DUSP22: variants seen among roughly 807,000 people sequenced by gnomAD.
The protein encoded by DUSP22 is dual specificity protein phosphatase 22.
DUSP22 carries 24 observed loss-of-function variants against 24.5 expected under a neutral mutation model. The ratio of observed to expected loss-of-function variants is 0.98; its 90% CI spans 0.71 to 1.38. DUSP22 has a LOEUF of 1.38. Ranked by LOEUF, DUSP22 falls within the 40% of genes most tolerant of loss-of-function variation. The pLI, the probability that DUSP22 is intolerant of heterozygous loss-of-function variation, is 0.00. For synonymous variants in DUSP22, 160 were observed against 106.4 expected, an observed-to-expected ratio of 1.50 and a Z score of -3.10; for missense variants, 330 against 269.2, an observed-to-expected ratio of 1.23 and a Z score of -1.58.
Position 350,822 on chromosome 6 carries a change from C to A in DUSP22, c.*1871C>A. On this transcript the variant is annotated 3_prime_UTR_variant, in exon 7 of 7. Coordinates refer to ENST00000419235, the MANE Select transcript of DUSP22 (RefSeq NM_001286555.3). Reference sequence around the variant, plus strand: ...TGCCAGTAATGTTCTTTCTTCACAGCCGCTCCGGGAATTCTGAAGTTCTGG... The same window carrying A: ...TGCCAGTAATGTTCTTTCTTCACAGACGCTCCGGGAATTCTGAAGTTCTGG... 1 of 1,614,268 alleles carries A rather than the reference C, an allele frequency of 6.2e-7. No homozygotes were observed. The highest frequency in any genetic ancestry group is 8.5e-7 in the Non-Finnish European group (1 of 1,180,026).
intron 1 of DUSP22, among the ~76,000 whole-genome samples, chr6:296,907 C>A (rs1757359826): frequency 6.6e-6 from 1 of 152,302 alleles, no homozygotes; most frequent in Admixed American, 6.5e-5. Flanking sequence ...GGTCTTGTGG[C>A]CTCTTCCTTC....
Position 311,279 on chromosome 6 carries a change from T to C in DUSP22, c.56-601T>C, listed in dbSNP as rs1261015149. ...AAGGGGGAGGGAGAGGAGACTGCTG[T>C]TATATTACAGAGGCCTTTCTGCACC... On this transcript the variant is annotated intron_variant, in intron 2 of 6. Transcript: ENST00000419235. 2.0e-5 allele frequency among the ~76,000 whole-genome samples: 3 copies of C among 152,300 alleles called. No homozygotes were observed. In the East Asian group the frequency reaches 5.8e-4, roughly 29 times the overall value.
chr6:349,902 C>A lies in DUSP22; in HGVS notation c.*951C>A. 1.0e-6 allele frequency: 1 copy of A among 985,918 alleles called. No individual in the cohort carries two copies. The highest frequency in any genetic ancestry group is 1.2e-6 in the Non-Finnish European group (1 of 830,238). The allele number at this position is 985,918 out of a possible 1,614,324, so 61.1% of individuals were successfully genotyped here. A position where few individuals can be genotyped will look rare whatever the true frequency, so the allele number is the denominator to read the frequency against. On this transcript the variant is annotated 3_prime_UTR_variant, in exon 7 of 7. Coordinates refer to ENST00000419235, the MANE Select transcript of DUSP22 (RefSeq NM_001286555.3). Reference sequence around the variant, plus strand: ...GGCACCCCCTCCTCTCTGCTCCTTGCCAGCTTCATTCACTCCCAGCCTCTC... The same window carrying A: ...GGCACCCCCTCCTCTCTGCTCCTTGACAGCTTCATTCACTCCCAGCCTCTC...
At chr6:313,509 G>A (rs1286211103) in intron 3 of DUSP22, among the ~76,000 whole-genome samples, 5 of 152,300 alleles carry the variant, frequency 3.3e-5, no homozygotes, top group Non-Finnish European at 7.3e-5. Context: ...CTGTGTTCCC[G>A]ACACAACACA....
chr6:321,208 A>T (rs1358412039), intron 3 of DUSP22, among the ~76,000 whole-genome samples: 1 of 152,302 alleles, frequency 6.6e-6, no homozygotes. Context: ...GCACTAAGGG[A>T]TGGGGCATGC....
At chr6:321,870 C>T (rs1025625827) in intron 3 of DUSP22, among the ~76,000 whole-genome samples, 6 of 152,416 alleles carry the variant, frequency 3.9e-5, no homozygotes, top group Non-Finnish European at 7.3e-5. Context: ...CTATAAGTAC[C>T]CATGGCTCTG....
At chr6:334,194 A>T (rs1232405008) in intron 3 of DUSP22, among the ~76,000 whole-genome samples, 1 of 152,308 alleles carries the variant, frequency 6.6e-6, no homozygotes, top group African/African-American at 2.4e-5. Context: ...CCAGTGTCTG[A>T]TGTGTACCCC....
chr6:337,390 G>A (rs1759403065), intron 4 of DUSP22, among the ~76,000 whole-genome samples: 1 of 152,298 alleles, frequency 6.6e-6, no homozygotes, highest in African/African-American at 2.4e-5. Context: ...TTTTCACTCA[G>A]CGTATATTAA....
chr6:325,650 T>C (rs376738790), intron 3 of DUSP22: 16 of 225,108 alleles, frequency 7.1e-5, no homozygotes, highest in Admixed American at 2.6e-4. Context: ...CCTGGGCTTC[T>C]GCATCCTCGT....
intron 3 of DUSP22, among the ~76,000 whole-genome samples, chr6:322,830 T>TTG (rs1554100349): frequency 1.6e-4 from 3 of 18,800 alleles, no homozygotes; most frequent in African/African-American, 5.5e-4. Context: ...GGCTGCTTGG[T>TTG]GGGGCGGGGG....
At chr6:306,966 G>C (rs1757838384) in intron 2 of DUSP22, among the ~76,000 whole-genome samples, 1 of 152,302 alleles carries the variant, frequency 6.6e-6, no homozygotes, top group African/African-American at 2.4e-5. Flanking sequence ...CCCAATACCT[G>C]GTGCCCTGAT....
intron 2 of DUSP22, 34 bp downstream of exon 2, chr6:304,695 T>C: frequency 6.2e-7 from 1 of 1,613,068 alleles, no homozygotes; most frequent in Non-Finnish European, 8.5e-7. Context: ...TGTGATAAAA[T>C]ACACATAACA....
intron 1 of DUSP22, among the ~76,000 whole-genome samples, chr6:297,326 C>G (rs1757380589): frequency 6.6e-6 from 1 of 152,306 alleles, no homozygotes; most frequent in Admixed American, 6.5e-5. Flanking sequence ...ACACATTTTT[C>G]CAAACTGTGA....
intron 2 of DUSP22, among the ~76,000 whole-genome samples, chr6:307,264 C>T (rs1229137631): frequency 6.6e-6 from 1 of 152,296 alleles, no homozygotes; most frequent in Non-Finnish European, 1.5e-5. Flanking sequence ...TCTTCTGTCC[C>T]TTCTCCTTCC....
intron 3 of DUSP22, among the ~76,000 whole-genome samples, chr6:313,721 A>G (rs1293783555): frequency 1.3e-5 from 2 of 152,304 alleles, no homozygotes; most frequent in African/African-American, 4.8e-5. Flanking sequence ...TTGTTATGCC[A>G]CTGTTTTGTA....
intron 2 of DUSP22, among the ~76,000 whole-genome samples, chr6:311,591 A>T (rs1758096974): frequency 6.6e-6 from 1 of 152,286 alleles, no homozygotes; most frequent in Admixed American, 6.5e-5. Context: ...GAGGCAGGAG[A>T]ATTGTGTGAA....
In DUSP22 at chr6:350,353, T is replaced by G; in HGVS notation, c.*1402T>G. The G allele has an allele frequency of 2.8e-6, 3 of 1,060,968 alleles. No individual in the cohort carries two copies. Among genetic ancestry groups the G allele is most frequent in the Non-Finnish European group, 3.4e-6 (3 of 876,478 alleles). The allele number at this position is 1,060,968 out of a possible 1,614,324, so 65.7% of individuals were successfully genotyped here. Reference sequence around the variant, plus strand: ...TGTACGCAATTCAGTGGTCTAGTCCTTTATACCGACTCAGATTCCTTAAGC... The same window carrying G: ...TGTACGCAATTCAGTGGTCTAGTCCGTTATACCGACTCAGATTCCTTAAGC... On this transcript the variant is annotated 3_prime_UTR_variant, in exon 7 of 7. Transcript: ENST00000419235.
intron 3 of DUSP22, among the ~76,000 whole-genome samples, chr6:332,056 C>T (rs566507005): frequency 6.6e-6 from 1 of 152,428 alleles, no homozygotes; most frequent in South Asian, 2.1e-4. Flanking sequence ...TCTTTCCTTG[C>T]ACTCATCTGG....
In DUSP22 at chr6:312,733, T is replaced by C. The variant is rs1758165717; in HGVS notation, c.138+771T>C. On this transcript the variant is annotated intron_variant, in intron 3 of 6. Transcript: ENST00000419235. ...CTGGTTCAGGCTGTTTTCATTTAAA[T>C]TTATATTAGGCAAGAGTAGGTAATG... is the stretch of plus-strand genomic sequence containing the variant. Among the ~76,000 whole-genome samples the C allele has an allele frequency of 3.9e-5, 6 of 152,304 alleles. No individual in the cohort carries two copies. In the South Asian group the frequency reaches 1.2e-3, roughly 31 times the overall value.
Sources: gnomAD v4.1 joint callset for allele counts (sites outside exome capture counted in the v4.1 genomes callset) on GRCh38, gnomAD v4.1.1 for gene constraint, MANE v1.5 for transcripts, NCBI Gene and HGNC (gene_info 2026-07-23, HGNC 2026-07-21) for gene names.